Variants in GRID2 observed in about 807,000 individuals in gnomAD.
GRID2 encodes the protein glutamate ionotropic receptor delta type subunit 2.
GRID2 carries 33 observed loss-of-function variants against 114.8 expected under a neutral mutation model. That is an observed-to-expected ratio of 0.29 (90% CI 0.22 to 0.38). The LOEUF is 0.38. Among genes scored for constraint, GRID2 ranks in the 10% least tolerant of loss-of-function variants. GRID2 has a pLI of 1.00. For missense variants in GRID2, 1,184 were observed against 1,257.7 expected, an observed-to-expected ratio of 0.94 and a Z score of 0.89; for synonymous variants, 505 against 449.9, an observed-to-expected ratio of 1.12 and a Z score of -1.55.
At position 92,677,371 on chromosome 4, in the gene GRID2, C is replaced by T. The variant is rs1034252124; in HGVS notation, c.244+87085C>T. ...TAGACAAAAGATCAGAGGAATAAGA[C>T]AACTTGGCAGGAACCTTATGAAAAG... On this transcript the variant is annotated intron_variant, in intron 2 of 15. Coordinates refer to ENST00000282020, the MANE Select transcript of GRID2 (RefSeq NM_001510.4). 2.8e-4 allele frequency among the ~76,000 whole-genome samples: 43 copies of T among 152,238 alleles called. 1 individual carries two copies. Among genetic ancestry groups the T allele is most frequent in the African/African-American group, 7.9e-4 (33 of 41,540 alleles).
chr4:93,784,404 C>T (rs1734550248), intron 1 of GRID2, among the ~76,000 whole-genome samples: 1 of 152,006 alleles, frequency 6.6e-6, no homozygotes. Flanking sequence ...CACTAAGGCA[C>T]CCTTCACAGA....
intron 8 of GRID2, among the ~76,000 whole-genome samples, chr4:93,274,932 A>G (rs1415549822): frequency 6.6e-6 from 1 of 152,056 alleles, no homozygotes; most frequent in African/African-American, 2.4e-5. Flanking sequence ...CAAATACCAT[A>G]AAGTTTATGC....
intron 11 of GRID2, among the ~76,000 whole-genome samples, chr4:93,474,663 G>T (rs2149439234): frequency 6.6e-6 from 1 of 152,206 alleles, no homozygotes; most frequent in Admixed American, 6.6e-5. Context: ...CATGTACTTG[G>T]AGGCGGAGAC....
At chr4:92,855,997 A>G (rs1255485786) in intron 2 of GRID2, among the ~76,000 whole-genome samples, 2 of 152,094 alleles carry the variant, frequency 1.3e-5, no homozygotes, top group Non-Finnish European at 2.9e-5. Context: ...TTACTAGGAA[A>G]AGCCTCACGC....
At chr4:92,884,683 C>CCT (rs1362413603) in intron 2 of GRID2, 1 of 180,706 alleles carries the variant, frequency 5.5e-6, no homozygotes, top group Non-Finnish European at 1.2e-5. Flanking sequence ...TGAAACTCTG[C>CCT]CTCTTTCCAG....
intron 2 of GRID2, among the ~76,000 whole-genome samples, chr4:92,899,886 A>G (rs1417250031): frequency 6.6e-6 from 1 of 152,174 alleles, no homozygotes; most frequent in African/African-American, 2.4e-5. Flanking sequence ...ACAGGGTCAC[A>G]AAGATCAGGT....
At chr4:93,307,987 C>T (rs988710704) in intron 8 of GRID2, among the ~76,000 whole-genome samples, 3 of 151,762 alleles carry the variant, frequency 2.0e-5, no homozygotes, top group African/African-American at 7.3e-5. Context: ...TCATATTAGA[C>T]ATCAGGTCTG....
At chr4:93,133,521 G>GT (rs1734984118) in intron 4 of GRID2, among the ~76,000 whole-genome samples, 1 of 152,120 alleles carries the variant, frequency 6.6e-6, no homozygotes, top group Admixed American at 6.5e-5. Flanking sequence ...TAACTAATCT[G>GT]TTTAAGATTG....
At chr4:93,470,545 C>A (rs1724702950) in intron 11 of GRID2, among the ~76,000 whole-genome samples, 1 of 152,010 alleles carries the variant, frequency 6.6e-6, no homozygotes, top group South Asian at 2.1e-4. Context: ...GTTTATAGCT[C>A]AGGTGTAGAT....
chr4:93,612,660 A>G (rs1741079224), intron 13 of GRID2, among the ~76,000 whole-genome samples: 1 of 102,896 alleles, frequency 9.7e-6, no homozygotes. Flanking sequence ...TCTGGCTTGT[A>G]GGGTTTCTGC....
At chr4:93,342,246 G>C (rs1242965538) in intron 8 of GRID2, among the ~76,000 whole-genome samples, 1 of 151,980 alleles carries the variant, frequency 6.6e-6, no homozygotes, top group Non-Finnish European at 1.5e-5. Flanking sequence ...TCCATCCTTA[G>C]CCCTTTGCAC....
At chr4:93,676,765 A>G (rs1407835883) in intron 14 of GRID2, among the ~76,000 whole-genome samples, 6 of 150,692 alleles carry the variant, frequency 4.0e-5, no homozygotes, top group African/African-American at 1.2e-4. Context: ...AAAAAAAAAA[A>G]AAGAAAGAAA....
intron 1 of GRID2, among the ~76,000 whole-genome samples, chr4:92,417,135 C>A (rs971954456): frequency 2.6e-5 from 4 of 151,864 alleles, no homozygotes; most frequent in African/African-American, 9.7e-5. Flanking sequence ...TAATTGTCTG[C>A]AAGTTTATAT....
chr4:93,014,376 T>G (rs993965422), intron 2 of GRID2, among the ~76,000 whole-genome samples: 1 of 152,032 alleles, frequency 6.6e-6, no homozygotes, highest in African/African-American at 2.4e-5. Flanking sequence ...GAGGGAAATG[T>G]ACACAGATAA....
chr4:93,503,632 A>G (rs13138180), intron 12 of GRID2, among the ~76,000 whole-genome samples: 108,820 of 151,686 alleles, frequency 0.72, 39,469 homozygotes, highest in Middle Eastern at 0.83. Flanking sequence ...AGCTTCACCC[A>G]TGTCCCTACA....
intron 8 of GRID2, among the ~76,000 whole-genome samples, chr4:93,388,257 T>G (rs1210934234): frequency 6.6e-6 from 1 of 152,176 alleles, no homozygotes; most frequent in Admixed American, 6.5e-5. Flanking sequence ...GTCTTAAGAT[T>G]GTTCCAGTCA....
At chr4:92,901,445 T>C (rs1269765069) in intron 2 of GRID2, among the ~76,000 whole-genome samples, 1 of 152,172 alleles carries the variant, frequency 6.6e-6, no homozygotes, top group African/African-American at 2.4e-5. Context: ...AGGTTGTCTA[T>C]TTACTCTATG....
intron 7 of GRID2, among the ~76,000 whole-genome samples, chr4:93,236,593 C>T (rs1746826705): frequency 6.6e-6 from 1 of 151,948 alleles, no homozygotes. Flanking sequence ...AAGGAATCTT[C>T]CACCTAGTAA....
intron 1 of GRID2, among the ~76,000 whole-genome samples, chr4:92,377,049 T>C (rs910700262): frequency 1.3e-5 from 2 of 152,208 alleles, no homozygotes; most frequent in Non-Finnish European, 2.9e-5. Flanking sequence ...TTGTTACTTA[T>C]GCAAATTTCT....
Sources: allele counts gnomAD v4.1 joint callset (sites outside exome capture counted in the v4.1 genomes callset), GRCh38; gene constraint gnomAD v4.1.1; transcripts MANE v1.5; gene names NCBI Gene and HGNC (gene_info 2026-07-23, HGNC 2026-07-21).